LRCH3: variants seen among roughly 807,000 people sequenced by gnomAD.
LRCH3 encodes DISP complex protein LRCH3.
A neutral mutation model predicts 104.5 loss-of-function variants in LRCH3; 68 were observed. The observed-to-expected ratio is 0.65, with a 90% CI of 0.54 to 0.80. LRCH3 has a LOEUF of 0.80. LRCH3 is among the 30% of genes least tolerant of loss of function. The pLI is 0.00. For synonymous variants in LRCH3, 344 were observed against 361.3 expected, an observed-to-expected ratio of 0.95 and a Z score of 0.54; for missense variants, 951 against 953.9, an observed-to-expected ratio of 1.00 and a Z score of 0.04.
intron 14 of LRCH3, among the ~76,000 whole-genome samples, chr3:197,857,213 C>T (rs1008141662): frequency 4.3e-5 from 6 of 138,632 alleles, no homozygotes; most frequent in African/African-American, 1.3e-4. Flanking sequence ...ACATTGTCTT[C>T]GGGCTACCCC....
At chr3:197,798,356 G>A (rs548941073) in intron 1 of LRCH3, among the ~76,000 whole-genome samples, 9 of 152,288 alleles carry the variant, frequency 5.9e-5, no homozygotes, top group African/African-American at 2.2e-4. Flanking sequence ...TTTTACACAA[G>A]GCAAATAAGA....
intron 12 of LRCH3, among the ~76,000 whole-genome samples, chr3:197,849,344 A>G (rs909348918): frequency 6.6e-6 from 1 of 151,004 alleles, no homozygotes; most frequent in African/African-American, 2.4e-5. Flanking sequence ...ATATTCCTAC[A>G]AGCAGAAGTT....
intron 1 of LRCH3, among the ~76,000 whole-genome samples, chr3:197,792,577 T>TTATATATATATATGTATATATATATA (rs1730668643): frequency 4.9e-5 from 1 of 20,330 alleles, no homozygotes; most frequent in African/African-American, 1.2e-4. Context: ...CCAGCTAATT[T>TTATATATATATATGTATATATATATA]TATATATATA....
intron 17 of LRCH3, 45 bp downstream of exon 17, chr3:197,866,264 CACA>C (rs1458355105): frequency 2.3e-6 from 3 of 1,311,862 alleles, no homozygotes; most frequent in African/African-American, 2.9e-5. Context: ...GGGAGGTTTA[CACA>C]ACGACGCTAG....
chr3:197,861,509 G>GTCTTGTTCT (rs1309535688), intron 15 of LRCH3, among the ~76,000 whole-genome samples: 2 of 152,144 alleles, frequency 1.3e-5, no homozygotes, highest in African/African-American at 4.8e-5. Context: ...GTTCTACAGT[G>GTCTTGTTCT]ACTGTCATAT....
At chr3:197,800,784 A>G (rs569839162) in intron 1 of LRCH3, among the ~76,000 whole-genome samples, 2 of 152,292 alleles carry the variant, frequency 1.3e-5, no homozygotes, top group African/African-American at 4.8e-5. Flanking sequence ...CACCAGTAGA[A>G]TGGATAAATC....
intron 9 of LRCH3, among the ~76,000 whole-genome samples, chr3:197,838,102 C>T (rs772072687): frequency 1.3e-5 from 2 of 151,838 alleles, no homozygotes; most frequent in African/African-American, 2.4e-5. Context: ...GTACAGCGTC[C>T]TAGGAGAGAT....
chr3:197,823,657 T>G (rs1010090619), intron 4 of LRCH3, among the ~76,000 whole-genome samples: 1 of 151,670 alleles, frequency 6.6e-6, no homozygotes, highest in African/African-American at 2.4e-5. Context: ...CCCAGAAAAT[T>G]TTGTATTGTT....
Position 197,835,824 on chromosome 3 carries a change from T to C in LRCH3, c.1251+2T>C. ...GAACAGCGGCGAATCTCTCATGAGG[T>C]AGTACACAGATTGAAGCCTAAATAT... On this transcript the variant is annotated splice_donor_variant, in intron 9 of 20. Transcript: ENST00000425562. LOFTEE classifies it high-confidence loss of function. 6.2e-7 allele frequency: 1 copy of C among 1,613,760 alleles called. No individual in the cohort carries two copies. Among genetic ancestry groups the C allele is most frequent in the Non-Finnish European group, 8.5e-7 (1 of 1,179,776 alleles).
chr3:197,847,407 A>G lies in LRCH3; in HGVS notation c.1329-2A>G. On this transcript the variant is annotated splice_acceptor_variant, in intron 10 of 20. Transcript: ENST00000425562. LOFTEE classifies it high-confidence loss of function. The stretch of plus-strand genomic sequence containing the variant: ...TTCTTTCTTTTTTCTTTTTTGGGTC[A>G]GGGTTCCAGCTGAGCCATCTTCCCT... 1 of 1,584,236 alleles carries G rather than the reference A, an allele frequency of 6.3e-7. No individual in the cohort carries two copies. Among genetic ancestry groups the G allele is most frequent in the Non-Finnish European group, 8.6e-7 (1 of 1,169,418 alleles).
chr3:197,836,651 T>A (rs1441371919), intron 9 of LRCH3, among the ~76,000 whole-genome samples: 3 of 152,224 alleles, frequency 2.0e-5, no homozygotes, highest in Non-Finnish European at 4.4e-5. Flanking sequence ...GAATAATCAT[T>A]TCAAGTGGGA....
intron 2 of LRCH3, among the ~76,000 whole-genome samples, chr3:197,815,398 T>C (rs1336136317): frequency 6.6e-6 from 1 of 152,206 alleles, no homozygotes; most frequent in Non-Finnish European, 1.5e-5. Flanking sequence ...TTGGGCAAAA[T>C]CTTCTAACAC....
chr3:197,832,434 A>G (rs572318628), intron 8 of LRCH3, 117 bp downstream of exon 8: 1 of 981,596 alleles, frequency 1.0e-6, no homozygotes, highest in Admixed American at 2.8e-5. Context: ...TCTTCTTTTA[A>G]AGACTTCTTT....
chr3:197,875,075 T>C (rs9847397), intron 19 of LRCH3, among the ~76,000 whole-genome samples: 32,621 of 151,802 alleles, frequency 0.21, 5,807 homozygotes, highest in African/African-American at 0.49. Context: ...GGATTACAGG[T>C]GCCCGCCACC....
intron 10 of LRCH3, among the ~76,000 whole-genome samples, chr3:197,845,124 A>G (rs919953240): frequency 4.6e-5 from 7 of 152,140 alleles, no homozygotes; most frequent in Admixed American, 4.6e-4. Flanking sequence ...AGTATTGTAA[A>G]AAGAGGGTAA....
intron 8 of LRCH3, among the ~76,000 whole-genome samples, chr3:197,835,176 ATTAAT>A (rs1424653177): frequency 1.3e-5 from 2 of 152,040 alleles, no homozygotes; most frequent in Non-Finnish European, 2.9e-5. Context: ...TATAAGTAAA[ATTAAT>A]TTAATTTTTT....
At position 197,867,370 on chromosome 3, in the gene LRCH3, T is replaced by C. The variant is rs189321797; in HGVS notation, c.1873+1151T>C. 2.5e-3 allele frequency among the ~76,000 whole-genome samples: 374 copies of C among 150,928 alleles called. 3 individuals are homozygous for C. The highest frequency in any genetic ancestry group is 8.5e-3 in the African/African-American group (348 of 41,096). ...GGTGGAGGCTGTAGTGAGCTGAGATTGCGCCACTGCACTCCAGCATGGATG... is the reference window on the plus strand; with the variant it reads ...GGTGGAGGCTGTAGTGAGCTGAGATCGCGCCACTGCACTCCAGCATGGATG... On this transcript the variant is annotated intron_variant, in intron 17 of 20. Coordinates refer to ENST00000425562, the MANE Select transcript of LRCH3 (RefSeq NM_001365715.1).
Position 197,831,050 on chromosome 3 carries a change from C to T in LRCH3, c.981+187C>T, listed in dbSNP as rs193010933. 281 of 494,368 alleles carry T rather than the reference C, an allele frequency of 5.7e-4. 2 individuals are homozygous for T. The highest frequency in any genetic ancestry group is 1.4e-3 in the Admixed American group (41 of 28,598). 30.6% of individuals were successfully genotyped at this position (494,368 alleles called of 1,614,324 possible). On this transcript the variant is annotated intron_variant, in intron 7 of 20. Coordinates refer to ENST00000425562, the MANE Select transcript of LRCH3 (RefSeq NM_001365715.1). The stretch of plus-strand genomic sequence containing the variant: ...CTGCGTCCTTACCGGCTTTCTGTCA[C>T]GTGGATTTCCGCCTGTTTCCTCATT...
At chr3:197,791,681 A>G in intron 1 of LRCH3, 141 bp downstream of exon 1, 1 of 975,282 alleles carries the variant, frequency 1.0e-6, no homozygotes, top group Non-Finnish European at 1.4e-6. Context: ...GGAGAAGCCG[A>G]CGGCGCCAGC....
Sources: gnomAD v4.1 joint callset for allele counts (sites outside exome capture counted in the v4.1 genomes callset) on GRCh38, gnomAD v4.1.1 for gene constraint, MANE v1.5 for transcripts, NCBI Gene and HGNC (gene_info 2026-07-23, HGNC 2026-07-21) for gene names.